The following LMBR1 variants were observed in gnomAD, a reference collection of about 807,000 sequenced individuals.
The protein encoded by LMBR1 is limb development membrane protein 1, also known as limb region 1 protein homolog.
Under a neutral mutation model 73.9 loss-of-function variants are expected in LMBR1, and 52 were observed. That is an observed-to-expected ratio of 0.70 (90% CI 0.56 to 0.89). The LOEUF (loss-of-function observed/expected upper bound fraction) is 0.89, where lower values mean the gene tolerates loss of function less well. Ranked by LOEUF, LMBR1 falls within the 40% of genes least tolerant of loss-of-function variation. The probability of loss-of-function intolerance (pLI) is 0.00; values close to 1 mark genes in which losing one functional copy is unlikely to be tolerated. For missense variants in LMBR1, 539 were observed against 579.8 expected (o/e 0.93, Z 0.72); for synonymous variants, 215 against 209.4 (o/e 1.03, Z -0.23).
At chr7:156,789,623 T>C (rs1156267568) in intron 5 of LMBR1, among the ~76,000 whole-genome samples, 1 of 152,198 alleles carries the variant, frequency 6.6e-6, no homozygotes, top group African/African-American at 2.4e-5. Context: ...AATGATTTTA[T>C]ACATGAATAA....
intron 2 of LMBR1, chr7:156,834,713 TTA>T (rs564292882): frequency 6.4e-6 from 1 of 156,880 alleles, no homozygotes; most frequent in Non-Finnish European, 1.4e-5. Flanking sequence ...TAAAATTATA[TTA>T]TATATAAAGT....
intron 1 of LMBR1, among the ~76,000 whole-genome samples, chr7:156,886,708 A>G (rs2134555198): frequency 6.6e-6 from 1 of 152,320 alleles, no homozygotes; most frequent in Non-Finnish European, 1.5e-5. Context: ...TAGCCGCTAG[A>G]AAAAAAGAAA....
intron 9 of LMBR1, among the ~76,000 whole-genome samples, chr7:156,739,532 C>A (rs1818510147): frequency 6.6e-6 from 1 of 152,182 alleles, no homozygotes; most frequent in African/African-American, 2.4e-5. Flanking sequence ...CCAGCGTAGT[C>A]CCAGTGTTGG....
At chr7:156,838,565 T>C (rs2133941533) in intron 1 of LMBR1, among the ~76,000 whole-genome samples, 1 of 152,378 alleles carries the variant, frequency 6.6e-6, no homozygotes, top group South Asian at 2.1e-4. Context: ...TTTTTACAGC[T>C]GAATAGTATT....
At chr7:156,870,629 G>A (rs1225295458) in intron 1 of LMBR1, among the ~76,000 whole-genome samples, 1 of 151,964 alleles carries the variant, frequency 6.6e-6, no homozygotes, top group Admixed American at 6.6e-5. Context: ...GCCAGGCGTG[G>A]CAGCAGGCGC....
chr7:156,755,114 A>G (rs145477287), intron 9 of LMBR1, among the ~76,000 whole-genome samples: 1 of 152,348 alleles, frequency 6.6e-6, no homozygotes, highest in East Asian at 1.9e-4. Flanking sequence ...CTCCAGGTCC[A>G]ATCCATCTCT....
chr7:156,760,185 A>G (rs111829142), intron 8 of LMBR1, among the ~76,000 whole-genome samples: 6,108 of 152,268 alleles, frequency 0.04, 400 homozygotes, highest in African/African-American at 0.14. Flanking sequence ...TTTAAAATGG[A>G]GAATCGAAGA....
intron 4 of LMBR1, among the ~76,000 whole-genome samples, chr7:156,807,223 T>C (rs933528898): frequency 1.3e-5 from 2 of 152,218 alleles, no homozygotes; most frequent in African/African-American, 4.8e-5. Flanking sequence ...GGTTTTGGTA[T>C]GAGGGTAATG....
chr7:156,892,897 G>A lies in LMBR1; in HGVS notation c.66+31C>T, dbSNP rs1032503412. On this transcript the variant is annotated intron_variant, in intron 1 of 16. Transcript: ENST00000353442. Reference sequence around the variant, plus strand: ...ACGGAGGGCCCGGGCGGGCACGCGGGACTGTCAGGGCTGCCTCGGTCCCCA... The same window carrying A: ...ACGGAGGGCCCGGGCGGGCACGCGGAACTGTCAGGGCTGCCTCGGTCCCCA... The A allele has an allele frequency of 2.1e-6, 3 of 1,435,002 alleles. 1 individual carries two copies. Among genetic ancestry groups the A allele is most frequent in the South Asian group, 2.7e-5 (2 of 72,806 alleles). 88.9% of individuals were successfully genotyped at this position (1,435,002 alleles called of 1,614,324 possible). A position where few individuals can be genotyped will look rare whatever the true frequency, so the allele number is the denominator to read the frequency against.
At chr7:156,691,230 G>C (rs1040267607) in intron 15 of LMBR1, among the ~76,000 whole-genome samples, 1 of 152,080 alleles carries the variant, frequency 6.6e-6, no homozygotes, top group Non-Finnish European at 1.5e-5. Flanking sequence ...AGTTCATTTT[G>C]TTAAAAGATT....
chr7:156,803,395 GA>G (rs1185508336), intron 4 of LMBR1, among the ~76,000 whole-genome samples: 1 of 152,000 alleles, frequency 6.6e-6, no homozygotes, highest in African/African-American at 2.4e-5. Flanking sequence ...AAAAACACAT[GA>G]AAAAATGCTC....
At chr7:156,801,164 A>G (rs1830888164) in intron 4 of LMBR1, among the ~76,000 whole-genome samples, 1 of 152,234 alleles carries the variant, frequency 6.6e-6, no homozygotes, top group Admixed American at 6.5e-5. Flanking sequence ...ACAGCATCAC[A>G]TGCTACACAG....
At chr7:156,737,037 C>T (rs1029090719) in intron 9 of LMBR1, among the ~76,000 whole-genome samples, 1 of 152,202 alleles carries the variant, frequency 6.6e-6, no homozygotes, top group African/African-American at 2.4e-5. Context: ...TGCCTGCCCG[C>T]GTCTCCTGTG....
intron 4 of LMBR1, among the ~76,000 whole-genome samples, chr7:156,797,953 A>G (rs1188351622): frequency 6.8e-6 from 1 of 147,624 alleles, no homozygotes. Flanking sequence ...TAAAAAATGT[A>G]AATAATTTTA....
chr7:156,774,262 GGTGGGAATATAAATTAGTTCAGCCAT>G (rs1231800983), intron 5 of LMBR1, among the ~76,000 whole-genome samples: 2 of 152,192 alleles, frequency 1.3e-5, no homozygotes, highest in African/African-American at 4.8e-5. Context: ...ATGTACTGCT[GGTGGGAATATAAATTAGTTCAGCCAT>G]GTGGAAAGCA....
chr7:156,793,378 T>C (rs1346411931), intron 5 of LMBR1, among the ~76,000 whole-genome samples: 4 of 152,194 alleles, frequency 2.6e-5, no homozygotes, highest in Non-Finnish European at 5.9e-5. Context: ...CCGAAAAATA[T>C]GAATATTTTA....
chr7:156,853,096 A>G (rs539583025), intron 1 of LMBR1, among the ~76,000 whole-genome samples: 3 of 151,970 alleles, frequency 2.0e-5, no homozygotes, highest in South Asian at 2.1e-4. Flanking sequence ...CCGTCACCAC[A>G]CCCGGCTAAT....
chr7:156,857,190 CTAAA>C (rs1797091643), intron 1 of LMBR1, among the ~76,000 whole-genome samples: 1 of 151,618 alleles, frequency 6.6e-6, no homozygotes, highest in Admixed American at 6.6e-5. Flanking sequence ...TATGAATGGT[CTAAA>C]TATACCAATT....
chr7:156,744,146 G>A (rs1231326877), intron 9 of LMBR1, among the ~76,000 whole-genome samples: 7 of 152,020 alleles, frequency 4.6e-5, no homozygotes, highest in Admixed American at 6.5e-5. Context: ...GGGCTCGAGC[G>A]TATACTCCCA....
Sources: gnomAD v4.1 joint callset for allele counts (sites outside exome capture counted in the v4.1 genomes callset) on GRCh38, gnomAD v4.1.1 for gene constraint, MANE v1.5 for transcripts, NCBI Gene and HGNC (gene_info 2026-07-23, HGNC 2026-07-21) for gene names.